FABP7: variants seen among roughly 807,000 people sequenced by gnomAD.
FABP7 encodes the protein fatty acid binding protein 7.
A neutral mutation model predicts 14.2 loss-of-function variants in FABP7; 13 were observed. The observed-to-expected ratio is 0.91, with a 90% CI of 0.59 to 1.45. The LOEUF (loss-of-function observed/expected upper bound fraction) is 1.45. Among genes scored for constraint, FABP7 ranks in the 40% most tolerant of loss-of-function variants. FABP7 has a pLI of 0.00. For synonymous variants in FABP7, 49 were observed against 51.4 expected (o/e 0.95, Z 0.20); for missense variants, 149 against 157.6 (o/e 0.95, Z 0.29).
At chr6:122,775,661 G>C (rs1390563972), upstream of FABP7, among the ~76,000 whole-genome samples, 2 of 150,760 alleles carry the variant, frequency 1.3e-5, no homozygotes, top group African/African-American at 2.4e-5. Flanking sequence ...TGGACAAATA[G>C]GACTATATCA....
intron 3 of FABP7, chr6:122,783,035 A>G: frequency 2.0e-6 from 2 of 985,444 alleles, no homozygotes; most frequent in Non-Finnish European, 2.4e-6. Flanking sequence ...GCAATAGACT[A>G]CAAGGATATA....
the FABP7 span, among the ~76,000 whole-genome samples, chr6:122,770,516 T>C: frequency 6.6e-6 from 1 of 152,094 alleles, no homozygotes; most frequent in Non-Finnish European, 1.5e-5. Context: ...TATTAGAATC[T>C]AAATTTACTA....
the FABP7 span, among the ~76,000 whole-genome samples, chr6:122,755,546 C>T: frequency 4.0e-5 from 6 of 150,994 alleles, no homozygotes; most frequent in Middle Eastern, 3.4e-3. Context: ...CTCTGCCTCC[C>T]GGGTTCACGC....
intron 2 of FABP7, among the ~76,000 whole-genome samples, chr6:122,780,664 T>C (rs555988914): frequency 2.2e-4 from 34 of 152,344 alleles, no homozygotes; most frequent in African/African-American, 7.5e-4. Flanking sequence ...TAAATCTCAG[T>C]TGTATTTGTC....
At chr6:122,758,209 G>A in the FABP7 span, among the ~76,000 whole-genome samples, 1 of 148,686 alleles carries the variant, frequency 6.7e-6, no homozygotes, top group Non-Finnish European at 1.5e-5. Flanking sequence ...CTGGGTTCAA[G>A]CAATTCTTCT....
At chr6:122,773,878 C>T in the FABP7 span, among the ~76,000 whole-genome samples, 97 of 151,876 alleles carry the variant, frequency 6.4e-4, 1 homozygote, top group South Asian at 0.014. Context: ...TTTTATTTCA[C>T]TACTTTTTAA....
the FABP7 span, among the ~76,000 whole-genome samples, chr6:122,762,273 G>A: frequency 6.6e-6 from 1 of 152,044 alleles, no homozygotes; most frequent in African/African-American, 2.4e-5. Flanking sequence ...CATATAAAGA[G>A]AACCAATGGC....
intron 3 of FABP7, chr6:122,783,103 G>T: frequency 1.0e-6 from 1 of 985,376 alleles, no homozygotes; most frequent in South Asian, 4.7e-5. Context: ...AACCCCCTAA[G>T]TTCTGTAAAG....
chr6:122,759,623 A>G, the FABP7 span, among the ~76,000 whole-genome samples: 1 of 152,184 alleles, frequency 6.6e-6, no homozygotes, highest in African/African-American at 2.4e-5. Flanking sequence ...CTGTGACAAT[A>G]ATGCTTATTT....
the FABP7 span, among the ~76,000 whole-genome samples, chr6:122,753,874 T>TG: frequency 3.4e-5 from 5 of 148,354 alleles, no homozygotes; most frequent in South Asian, 1.1e-3. Flanking sequence ...TCTGATTGGT[T>TG]GCAGACAGCT....
At chr6:122,774,542 A>C in the FABP7 span, among the ~76,000 whole-genome samples, 1 of 152,140 alleles carries the variant, frequency 6.6e-6, no homozygotes, top group South Asian at 2.1e-4. Flanking sequence ...AACCATTCTT[A>C]GGTATACAGC....
chr6:122,770,871 A>G, the FABP7 span, among the ~76,000 whole-genome samples: 7 of 152,218 alleles, frequency 4.6e-5, no homozygotes, highest in Non-Finnish European at 8.8e-5. Context: ...TATCTGATTC[A>G]TGCTCTGCAG....
the FABP7 span, among the ~76,000 whole-genome samples, chr6:122,754,840 G>A: frequency 3.1e-4 from 47 of 151,814 alleles, no homozygotes; most frequent in South Asian, 3.1e-3. Context: ...CATAGCCCTC[G>A]CACCCACACA....
chr6:122,755,917 G>A, the FABP7 span, among the ~76,000 whole-genome samples: 119 of 152,270 alleles, frequency 7.8e-4, no homozygotes, highest in African/African-American at 2.6e-3. Flanking sequence ...AGACATCAAG[G>A]AGGATGCTGT....
At chr6:122,766,284 T>C in the FABP7 span, among the ~76,000 whole-genome samples, 56,969 of 152,032 alleles carry the variant, frequency 0.37, 11,436 homozygotes, top group Non-Finnish European at 0.46. Flanking sequence ...ACAGCAACTT[T>C]TATGTAGGTA....
chr6:122,780,562 A>C (rs1241817022), intron 2 of FABP7, 99 bp downstream of exon 2: 2 of 1,273,382 alleles, frequency 1.6e-6, no homozygotes, highest in African/African-American at 3.0e-5. Flanking sequence ...AAAGTGTAGA[A>C]TATTTTCAGT....
At chr6:122,756,453 C>G in the FABP7 span, among the ~76,000 whole-genome samples, 1 of 152,146 alleles carries the variant, frequency 6.6e-6, no homozygotes, top group East Asian at 1.9e-4. Flanking sequence ...GACTTCCTGT[C>G]GGCACCACCA....
At chr6:122,761,797 A>G in the FABP7 span, among the ~76,000 whole-genome samples, 1 of 152,220 alleles carries the variant, frequency 6.6e-6, no homozygotes, top group African/African-American at 2.4e-5. Context: ...ACTTCATAAA[A>G]TAATAATTTA....
At chr6:122,749,274 A>T in the FABP7 span, among the ~76,000 whole-genome samples, 7 of 152,106 alleles carry the variant, frequency 4.6e-5, no homozygotes, top group Non-Finnish European at 1.0e-4. Flanking sequence ...ACCTGGTGGA[A>T]TGCAACTGAA....
Sources: allele counts gnomAD v4.1 joint callset (sites outside exome capture counted in the v4.1 genomes callset), GRCh38; gene constraint gnomAD v4.1.1; transcripts MANE v1.5; gene names NCBI Gene and HGNC (gene_info 2026-07-23, HGNC 2026-07-21).